The following KCNIP4 variants were observed in gnomAD, a reference collection of about 807,000 sequenced individuals.
The protein encoded by KCNIP4 is potassium voltage-gated channel interacting protein 4.
A neutral mutation model predicts 34.0 loss-of-function variants in KCNIP4; 12 were observed. The ratio of observed to expected loss-of-function variants is 0.35; its 90% CI spans 0.23 to 0.57. KCNIP4 has a LOEUF of 0.57. KCNIP4 is among the 20% of genes least tolerant of loss of function. The pLI is 0.83. For synonymous variants in KCNIP4, 124 were observed against 102.2 expected (o/e 1.21, Z -1.29); for missense variants, 238 against 311.7 (o/e 0.76, Z 1.78).
intron 1 of KCNIP4, among the ~76,000 whole-genome samples, chr4:20,922,800 A>T (rs1196930838): frequency 1.3e-5 from 2 of 152,212 alleles, no homozygotes; most frequent in African/African-American, 2.4e-5. Flanking sequence ...CTACAGCCTA[A>T]GATGTAGAAT....
At chr4:20,732,463 T>C (rs1026977182) in intron 7 of KCNIP4, among the ~76,000 whole-genome samples, 1 of 152,228 alleles carries the variant, frequency 6.6e-6, no homozygotes, top group Non-Finnish European at 1.5e-5. Context: ...GAGAACTGTT[T>C]AGTGTTGTAT....
chr4:21,297,348 G>A (rs114144392), intron 1 of KCNIP4, among the ~76,000 whole-genome samples: 2,826 of 152,010 alleles, frequency 0.019, 76 homozygotes, highest in East Asian at 0.056. Flanking sequence ...TCAATTTATG[G>A]CTAAGTCCCT....
chr4:21,263,266 T>C (rs1448919033), intron 1 of KCNIP4, among the ~76,000 whole-genome samples: 1 of 152,212 alleles, frequency 6.6e-6, no homozygotes, highest in Non-Finnish European at 1.5e-5. Flanking sequence ...AACAGCTTTG[T>C]GAGGAAGATA....
chr4:21,400,525 C>CCCT, intron 1 of KCNIP4, among the ~76,000 whole-genome samples: 1 of 38,878 alleles, frequency 2.6e-5, no homozygotes, highest in African/African-American at 9.3e-5. Context: ...CTTCTCTTCT[C>CCCT]TTCTCTTCTC....
intron 1 of KCNIP4, among the ~76,000 whole-genome samples, chr4:21,468,762 A>C (rs1248891280): frequency 6.6e-6 from 1 of 152,198 alleles, no homozygotes; most frequent in Non-Finnish European, 1.5e-5. Context: ...GCTGGCTGAC[A>C]AATCTAATCA....
At chr4:21,546,208 A>G (rs1738140379) in intron 1 of KCNIP4, among the ~76,000 whole-genome samples, 1 of 152,132 alleles carries the variant, frequency 6.6e-6, no homozygotes, top group African/African-American at 2.4e-5. Context: ...CATAGCAATG[A>G]CATTTCACCA....
At chr4:21,423,789 A>G (rs937595288) in intron 1 of KCNIP4, among the ~76,000 whole-genome samples, 1 of 151,378 alleles carries the variant, frequency 6.6e-6, no homozygotes, top group African/African-American at 2.4e-5. Flanking sequence ...CCTATATTTG[A>G]GCCATATGAC....
chr4:21,195,424 T>C (rs987482198), intron 1 of KCNIP4, among the ~76,000 whole-genome samples: 13 of 152,216 alleles, frequency 8.5e-5, no homozygotes, highest in African/African-American at 2.9e-4. Context: ...TTAGCAACAA[T>C]ATAGTCATCT....
chr4:20,825,225 G>GTTTTTTTTTTTTTTTTTT (rs71181592), intron 3 of KCNIP4, among the ~76,000 whole-genome samples: 5 of 113,618 alleles, frequency 4.4e-5, no homozygotes, highest in Non-Finnish European at 5.2e-5. Context: ...TCAATTTTAC[G>GTTTTTTTTTTTTTTTTTT]TTTTTTTTTT....
intron 1 of KCNIP4, among the ~76,000 whole-genome samples, chr4:21,116,225 C>T (rs1202296578): frequency 6.6e-6 from 1 of 152,174 alleles, no homozygotes; most frequent in Non-Finnish European, 1.5e-5. Context: ...CTTCAGGTCC[C>T]ACAAACCTTA....
chr4:21,887,613 C>G (rs1019273374), intron 1 of KCNIP4, among the ~76,000 whole-genome samples: 2 of 152,116 alleles, frequency 1.3e-5, no homozygotes. Flanking sequence ...GACACAGAAA[C>G]TTACGAAAGA....
chr4:21,878,642 A>T (rs1726281063), intron 1 of KCNIP4, among the ~76,000 whole-genome samples: 1 of 152,228 alleles, frequency 6.6e-6, no homozygotes, highest in African/African-American at 2.4e-5. Flanking sequence ...TTACTACTTT[A>T]AAGCTTAGGT....
At chr4:20,997,550 T>C (rs1034306156) in intron 1 of KCNIP4, among the ~76,000 whole-genome samples, 1 of 152,176 alleles carries the variant, frequency 6.6e-6, no homozygotes, top group Admixed American at 6.5e-5. Flanking sequence ...AAGAAAGAAC[T>C]GCACAACCAA....
chr4:21,730,462 A>T (rs1426316495), intron 1 of KCNIP4, among the ~76,000 whole-genome samples: 2 of 152,170 alleles, frequency 1.3e-5, no homozygotes, highest in African/African-American at 4.8e-5. Flanking sequence ...ACAGCAGGTA[A>T]GCGAGCTGCT....
intron 1 of KCNIP4, among the ~76,000 whole-genome samples, chr4:21,776,436 C>T (rs372546127): frequency 2.0e-5 from 3 of 151,970 alleles, no homozygotes; most frequent in Non-Finnish European, 4.4e-5. Flanking sequence ...ATGGAGTTTT[C>T]CTAAATTTAT....
intron 1 of KCNIP4, among the ~76,000 whole-genome samples, chr4:21,915,011 A>T (rs1728546768): frequency 6.6e-6 from 1 of 152,164 alleles, no homozygotes; most frequent in South Asian, 2.1e-4. Context: ...AAAAAAAATC[A>T]AAAGAAGAAA....
At chr4:21,915,952 C>G (rs1728604792) in intron 1 of KCNIP4, among the ~76,000 whole-genome samples, 1 of 152,128 alleles carries the variant, frequency 6.6e-6, no homozygotes, top group African/African-American at 2.4e-5. Context: ...GAGACATTTC[C>G]CCATTAGACT....
rs565359602 is a variant in KCNIP4 at position 21,603,946 on chromosome 4, TATA to T, written c.61+344622_61+344624del. Reference sequence around the variant, plus strand: ...AGTTTAAAATATATTTTAATCAAAATATAATGAAGTAACTGATAGACTTGTGAT... The same window carrying T: ...AGTTTAAAATATATTTTAATCAAAATATGAAGTAACTGATAGACTTGTGAT... On this transcript the variant is annotated intron_variant, in intron 1 of 8. Coordinates refer to ENST00000382152, the MANE Select transcript of KCNIP4 (RefSeq NM_025221.6). 3.4e-3 allele frequency among the ~76,000 whole-genome samples: 512 copies of T among 152,222 alleles called. 3 individuals are homozygous for T. The highest frequency in any genetic ancestry group is 0.014 in the Middle Eastern group (4 of 294).
At chr4:20,979,529 G>A (rs1276448024) in intron 1 of KCNIP4, among the ~76,000 whole-genome samples, 1 of 151,786 alleles carries the variant, frequency 6.6e-6, no homozygotes, top group Non-Finnish European at 1.5e-5. Flanking sequence ...CTCCCGAGTA[G>A]CTGGGACTAC....
Sources: gnomAD v4.1 joint callset for allele counts (sites outside exome capture counted in the v4.1 genomes callset) on GRCh38, gnomAD v4.1.1 for gene constraint, MANE v1.5 for transcripts, NCBI Gene and HGNC (gene_info 2026-07-23, HGNC 2026-07-21) for gene names.